SMIM10L2A: variants seen among roughly 807,000 people sequenced by gnomAD.
SMIM10L2A encodes the protein small integral membrane protein 10 like 2A, also known as small integral membrane protein 10-like protein 2A.
SMIM10L2A carries 2 observed loss-of-function variants against 3.0 expected under a neutral mutation model. That is an observed-to-expected ratio of 0.66 (90% CI 0.27 to 2.08). The LOEUF is 2.08. Ranked by LOEUF, SMIM10L2A falls within the 30% of genes most tolerant of loss-of-function variation. The probability of loss-of-function intolerance (pLI) is 0.14; values close to 1 mark genes in which losing one functional copy is unlikely to be tolerated. For missense variants in SMIM10L2A, 59 were observed against 66.5 expected, an observed-to-expected ratio of 0.89 and a Z score of 0.39; for synonymous variants, 29 against 34.8, an observed-to-expected ratio of 0.83 and a Z score of 0.58.
In SMIM10L2A at chrX:135,425,238, G is replaced by A. The variant is rs1209826762; in HGVS notation, c.*1968G>A. On this transcript the variant is annotated 3_prime_UTR_variant, in exon 2 of 2. Transcript: ENST00000417443. Reference sequence around the variant, plus strand: ...GCAAGGGGCTTGGCCTGGGACCCTGGAAGCTGTTTCCCTACTGGGATAAAG... The same window carrying A: ...GCAAGGGGCTTGGCCTGGGACCCTGAAAGCTGTTTCCCTACTGGGATAAAG... The A allele has an allele frequency of 8.9e-6, 1 of 111,992 alleles. No homozygotes were observed. Among genetic ancestry groups the A allele is most frequent in the Non-Finnish European group, 1.9e-5 (1 of 53,116 alleles). 9.2% of individuals were successfully genotyped at this position (111,992 alleles called of 1,213,427 possible). A position where few individuals can be genotyped will look rare whatever the true frequency, so the allele number is the denominator to read the frequency against.
In SMIM10L2A at chrX:135,423,671, G is replaced by A. The variant is rs1362990737; in HGVS notation, c.*401G>A. 5 of 113,856 alleles carry A rather than the reference G, an allele frequency of 4.4e-5. No homozygotes were observed. In the East Asian group the frequency reaches 1.4e-3, roughly 32 times the overall value. 9.4% of individuals were successfully genotyped at this position (113,856 alleles called of 1,213,427 possible). A position where few individuals can be genotyped will look rare whatever the true frequency, so the allele number is the denominator to read the frequency against. On this transcript the variant is annotated 3_prime_UTR_variant, in exon 2 of 2. Coordinates refer to ENST00000417443, the MANE Select transcript of SMIM10L2A (RefSeq NM_203306.3). Reference sequence around the variant, plus strand: ...TAGGCGGTGACCCGCCCCTTCTCTGGCCTTGCCAAGAGTCACATCCCTGCC... The same window carrying A: ...TAGGCGGTGACCCGCCCCTTCTCTGACCTTGCCAAGAGTCACATCCCTGCC...
At position 135,426,032 on chromosome X, in the gene SMIM10L2A, C is replaced by T. The variant is rs1556471577; in HGVS notation, c.*2762C>T. ...TGTTGACAACCTTTGTTCAACGACC[C>T]AAAACATAAGTCCCTTTCCTTTTTA... On this transcript the variant is annotated 3_prime_UTR_variant, in exon 2 of 2. Transcript: ENST00000417443. 1 of 112,143 alleles carries T rather than the reference C, an allele frequency of 8.9e-6. No homozygotes were observed. Among genetic ancestry groups the T allele is most frequent in the African/African-American group, 3.2e-5 (1 of 30,830 alleles). 9.2% of individuals were successfully genotyped at this position (112,143 alleles called of 1,213,427 possible).
rs1556471761 is a variant in SMIM10L2A at position 135,426,621 on chromosome X, C to T, written c.*3351C>T. On this transcript the variant is annotated 3_prime_UTR_variant, in exon 2 of 2. Coordinates refer to ENST00000417443, the MANE Select transcript of SMIM10L2A (RefSeq NM_203306.3). ...ATCTGCCACCACAGGAGAAATGGACCCCAGTCCTTGATCTTCCCTCCCCTT... is the reference window on the plus strand; with the variant it reads ...ATCTGCCACCACAGGAGAAATGGACTCCAGTCCTTGATCTTCCCTCCCCTT... The T allele has an allele frequency of 1.8e-5, 2 of 112,970 alleles. No homozygotes were observed. The highest frequency in any genetic ancestry group is 6.4e-5 in the African/African-American group (2 of 31,094). The allele number at this position is 112,970 out of a possible 1,213,427, so 9.3% of individuals were successfully genotyped here.
chrX:135,422,226 C>T lies in SMIM10L2A; in HGVS notation c.95C>T (p.Ser32Leu). ...TCGCGCTCAGCTGCGGCCCGAGGCT[C>T]GTACGGCGCCTTCTGCAAGGGGCTC... ...RLSRSAAARG[S>L]YGAFCKGLTR... The change falls in exon 1 of 2, where the codon TCG becomes TTG. Residue 32 changes from serine (S) to leucine (L), a missense_variant. Coordinates refer to ENST00000417443, the MANE Select transcript of SMIM10L2A (RefSeq NM_203306.3). 3.7e-6 allele frequency: 4 copies of T among 1,069,955 alleles called. No individual in the cohort carries two copies. Among genetic ancestry groups the T allele is most frequent in the Non-Finnish European group, 4.9e-6 (4 of 814,423 alleles). The allele number at this position is 1,069,955 out of a possible 1,213,427, so 88.2% of individuals were successfully genotyped here.
In SMIM10L2A at chrX:135,425,227, C is replaced by T. The variant is rs782653999; in HGVS notation, c.*1957C>T. 1.8e-5 allele frequency: 2 copies of T among 111,940 alleles called. No homozygotes were observed. Among genetic ancestry groups the T allele is most frequent in the African/African-American group, 6.5e-5 (2 of 30,764 alleles). The allele number at this position is 111,940 out of a possible 1,213,427, so 9.2% of individuals were successfully genotyped here. ...GCCCTCCCCATGCAAGGGGCTTGGC[C>T]TGGGACCCTGGAAGCTGTTTCCCTA... On this transcript the variant is annotated 3_prime_UTR_variant, in exon 2 of 2. Transcript: ENST00000417443.
rs1254151083 is a variant in SMIM10L2A at position 135,424,906 on chromosome X, G to T, written c.*1636G>T. The stretch of plus-strand genomic sequence containing the variant: ...TTCTTGGGAACCCCTGACCCTGCTG[G>T]CCCCTCTCATCCACCCCAACCCTAT... On this transcript the variant is annotated 3_prime_UTR_variant, in exon 2 of 2. Transcript: ENST00000417443. The T allele has an allele frequency of 3.6e-5, 4 of 111,643 alleles. No individual in the cohort carries two copies. Among genetic ancestry groups the T allele is most frequent in the Non-Finnish European group, 7.5e-5 (4 of 53,034 alleles). 9.2% of individuals were successfully genotyped at this position (111,643 alleles called of 1,213,427 possible).
Position 135,424,652 on chromosome X carries a change from G to A in SMIM10L2A, c.*1382G>A. On this transcript the variant is annotated 3_prime_UTR_variant, in exon 2 of 2. Coordinates refer to ENST00000417443, the MANE Select transcript of SMIM10L2A (RefSeq NM_203306.3). ...CCGCATCTCTTGCACTGGTACCCCG[G>A]GCGCCACGTTCTCAGTTCCTGGGAC... 9.0e-6 allele frequency: 1 copy of A among 111,273 alleles called. No individual in the cohort carries two copies. The highest frequency in any genetic ancestry group is 2.8e-4 in the East Asian group (1 of 3,525). The allele number at this position is 111,273 out of a possible 1,213,427, so 9.2% of individuals were successfully genotyped here.
In SMIM10L2A at chrX:135,424,494, G is replaced by A. The variant is rs1312030686; in HGVS notation, c.*1224G>A. ...GACCCCCCATCCCCAGGATCACACA[G>A]GAGAATCTCATCCTCACGGCTTGGA... On this transcript the variant is annotated 3_prime_UTR_variant, in exon 2 of 2. Transcript: ENST00000417443. 2 of 111,223 alleles carry A rather than the reference G, an allele frequency of 1.8e-5. No individual in the cohort carries two copies. Among genetic ancestry groups the A allele is most frequent in the African/African-American group, 6.6e-5 (2 of 30,416 alleles). 9.2% of individuals were successfully genotyped at this position (111,223 alleles called of 1,213,427 possible).
chrX:135,426,640 T>G lies in SMIM10L2A; in HGVS notation c.*3370T>G, dbSNP rs1264606852. 3.5e-5 allele frequency: 4 copies of G among 113,072 alleles called. No individual in the cohort carries two copies. The highest frequency in any genetic ancestry group is 1.3e-4 in the African/African-American group (4 of 31,136). 9.3% of individuals were successfully genotyped at this position (113,072 alleles called of 1,213,427 possible). A position where few individuals can be genotyped will look rare whatever the true frequency, so the allele number is the denominator to read the frequency against. On this transcript the variant is annotated 3_prime_UTR_variant, in exon 2 of 2. Coordinates refer to ENST00000417443, the MANE Select transcript of SMIM10L2A (RefSeq NM_203306.3). ...ATGGACCCCAGTCCTTGATCTTCCCTCCCCTTTGTCTAGATGGTCCTCTTT... is the reference window on the plus strand; with the variant it reads ...ATGGACCCCAGTCCTTGATCTTCCCGCCCCTTTGTCTAGATGGTCCTCTTT...
Position 135,422,158 on chromosome X carries a change from AGCG to A in SMIM10L2A, c.33_35del (p.Ala15del). The A allele has an allele frequency of 4.2e-6, 3 of 722,025 alleles. No homozygotes were observed. The highest frequency in any genetic ancestry group is 3.8e-6 in the Non-Finnish European group (2 of 528,275). 59.5% of individuals were successfully genotyped at this position (722,025 alleles called of 1,213,427 possible). A position where few individuals can be genotyped will look rare whatever the true frequency, so the allele number is the denominator to read the frequency against. On this transcript the variant is annotated inframe_deletion, in exon 1 of 2. Coordinates refer to ENST00000417443, the MANE Select transcript of SMIM10L2A (RefSeq NM_203306.3). ...TGGCGGCGTCGGCGGCTCTGTCTGC[AGCG>A]GCGGCTGCGGCGGCCCTGTCTGGCC...
In SMIM10L2A at chrX:135,423,682, A is replaced by G. The variant is rs1473511634; in HGVS notation, c.*412A>G. On this transcript the variant is annotated 3_prime_UTR_variant, in exon 2 of 2. Coordinates refer to ENST00000417443, the MANE Select transcript of SMIM10L2A (RefSeq NM_203306.3). ...CCGCCCCTTCTCTGGCCTTGCCAAG[A>G]GTCACATCCCTGCCCAGGGGCACCT... 3 of 113,802 alleles carry G rather than the reference A, an allele frequency of 2.6e-5. No homozygotes were observed. Among genetic ancestry groups the G allele is most frequent in the African/African-American group, 9.6e-5 (3 of 31,351 alleles). 9.4% of individuals were successfully genotyped at this position (113,802 alleles called of 1,213,427 possible). A position where few individuals can be genotyped will look rare whatever the true frequency, so the allele number is the denominator to read the frequency against.
At position 135,424,669 on chromosome X, in the gene SMIM10L2A, TC is replaced by T. The variant is rs1429952422; in HGVS notation, c.*1401del. ...GTACCCCGGGCGCCACGTTCTCAGT[TC>T]CTGGGACTGAAAACTGCAGCAGTCT... On this transcript the variant is annotated 3_prime_UTR_variant, in exon 2 of 2. Transcript: ENST00000417443. 1 of 111,678 alleles carries T rather than the reference TC, an allele frequency of 9.0e-6. No homozygotes were observed. Among genetic ancestry groups the T allele is most frequent in the African/African-American group, 3.3e-5 (1 of 30,616 alleles). The allele number at this position is 111,678 out of a possible 1,213,427, so 9.2% of individuals were successfully genotyped here.
At position 135,426,723 on chromosome X, in the gene SMIM10L2A, G is replaced by A. The variant is rs781978881; in HGVS notation, c.*3453G>A. The stretch of plus-strand genomic sequence containing the variant: ...AGCAAGATGGGAAATGATCCTCCCA[G>A]AGCCTGGCTCCAAGGCTTCTTGAAG... On this transcript the variant is annotated 3_prime_UTR_variant, in exon 2 of 2. Transcript: ENST00000417443. The A allele has an allele frequency of 8.9e-6, 1 of 112,850 alleles. No homozygotes were observed. The highest frequency in any genetic ancestry group is 1.9e-5 in the Non-Finnish European group (1 of 53,306). The allele number at this position is 112,850 out of a possible 1,213,427, so 9.3% of individuals were successfully genotyped here. A position where few individuals can be genotyped will look rare whatever the true frequency, so the allele number is the denominator to read the frequency against.
At chrX:135,422,947 C>T (rs782723585) in intron 1 of SMIM10L2A, among the ~76,000 whole-genome samples, 39 of 111,926 alleles carry the variant, frequency 3.5e-4, no homozygotes, top group South Asian at 1.1e-3. Flanking sequence ...CTCCCGCCCA[C>T]GCCCCAGTGC....
At chrX:135,423,408 C>G (rs1294540238) in intron 1 of SMIM10L2A, among the ~76,000 whole-genome samples, 1 of 112,991 alleles carries the variant, frequency 8.9e-6, no homozygotes, top group Admixed American at 9.2e-5. Flanking sequence ...CAAGGCCCTC[C>G]CAGGGCCAGA....
chrX:135,422,456 G>T lies in SMIM10L2A; in HGVS notation c.*88G>T. ...GGCCGGGTCGCCGGCATGAAGGAAA[G>T]CTGGGCCGCGGCGGGGGGCGGAGGC... is the stretch of plus-strand genomic sequence containing the variant. On this transcript the variant is annotated 3_prime_UTR_variant, in exon 1 of 2. Transcript: ENST00000417443. 1 of 281,666 alleles carries T rather than the reference G, an allele frequency of 3.6e-6. No homozygotes were observed. Among genetic ancestry groups the T allele is most frequent in the Non-Finnish European group, 6.1e-6 (1 of 164,181 alleles). 23.2% of individuals were successfully genotyped at this position (281,666 alleles called of 1,213,427 possible).
chrX:135,422,008 C>T lies in SMIM10L2A; in HGVS notation c.-124C>T, dbSNP rs1193143441. ...TGAGCCCCGCTCGGCCTTGGGAACACGGGGGCGGGGCGGCCGCGGCTCTGG... is the reference window on the plus strand; with the variant it reads ...TGAGCCCCGCTCGGCCTTGGGAACATGGGGGCGGGGCGGCCGCGGCTCTGG... On this transcript the variant is annotated 5_prime_UTR_variant, in exon 1 of 2. The change creates a new upstream start codon in the 5' untranslated region. Transcript: ENST00000417443. 7.9e-6 allele frequency: 2 copies of T among 252,413 alleles called. No individual in the cohort carries two copies. Among genetic ancestry groups the T allele is most frequent in the Non-Finnish European group, 1.4e-5 (2 of 142,904 alleles). 20.8% of individuals were successfully genotyped at this position (252,413 alleles called of 1,213,427 possible).
At position 135,423,927 on chromosome X, in the gene SMIM10L2A, G is replaced by A. The variant is rs1285412734; in HGVS notation, c.*657G>A. On this transcript the variant is annotated 3_prime_UTR_variant, in exon 2 of 2. Coordinates refer to ENST00000417443, the MANE Select transcript of SMIM10L2A (RefSeq NM_203306.3). ...TGTATTTCCCCCTCCTAATGACAGA[G>A]GAAACTGAGGCTTCAGGGAGGGGTG... 1 of 112,703 alleles carries A rather than the reference G, an allele frequency of 8.9e-6. No individual in the cohort carries two copies. Among genetic ancestry groups the A allele is most frequent in the Non-Finnish European group, 1.9e-5 (1 of 53,253 alleles). The allele number at this position is 112,703 out of a possible 1,213,427, so 9.3% of individuals were successfully genotyped here. A position where few individuals can be genotyped will look rare whatever the true frequency, so the allele number is the denominator to read the frequency against.
At position 135,425,461 on chromosome X, in the gene SMIM10L2A, C is replaced by G. The variant is rs1556471365; in HGVS notation, c.*2191C>G. On this transcript the variant is annotated 3_prime_UTR_variant, in exon 2 of 2. Transcript: ENST00000417443. ...TCCTGTCCCTGCTTTTTCACCCCTGCTGCCTGAAGTGGTAGCCCCGCCTGC... is the reference window on the plus strand; with the variant it reads ...TCCTGTCCCTGCTTTTTCACCCCTGGTGCCTGAAGTGGTAGCCCCGCCTGC... 8.9e-6 allele frequency: 1 copy of G among 112,369 alleles called. No individual in the cohort carries two copies. Among genetic ancestry groups the G allele is most frequent in the African/African-American group, 3.2e-5 (1 of 30,831 alleles). The allele number at this position is 112,369 out of a possible 1,213,427, so 9.3% of individuals were successfully genotyped here. A position where few individuals can be genotyped will look rare whatever the true frequency, so the allele number is the denominator to read the frequency against.
Sources: allele counts gnomAD v4.1 joint callset (sites outside exome capture counted in the v4.1 genomes callset), GRCh38; gene constraint gnomAD v4.1.1; transcripts MANE v1.5; gene names NCBI Gene and HGNC (gene_info 2026-07-23, HGNC 2026-07-21).